Variants in ZBBX observed in about 807,000 individuals in gnomAD.
ZBBX encodes the protein zinc finger B-box domain-containing protein 1.
Under a neutral mutation model 108.5 loss-of-function variants are expected in ZBBX, and 101 were observed. That is an observed-to-expected ratio of 0.93 (90% CI 0.79 to 1.10). The LOEUF (loss-of-function observed/expected upper bound fraction) is 1.10. Among genes scored for constraint, ZBBX ranks in the 50% least tolerant of loss-of-function variants. The probability of loss-of-function intolerance (pLI) is 0.00; values close to 1 mark genes in which losing one functional copy is unlikely to be tolerated. For missense variants in ZBBX, 1,009 were observed against 941.4 expected, an observed-to-expected ratio of 1.07 and a Z score of -0.94; for synonymous variants, 356 against 323.4, an observed-to-expected ratio of 1.10 and a Z score of -1.08.
chr3:167,281,021 A>T (rs368067121), intron 20 of ZBBX, among the ~76,000 whole-genome samples: 1 of 152,048 alleles, frequency 6.6e-6, no homozygotes, highest in Non-Finnish European at 1.5e-5. Context: ...ACCAAACACC[A>T]CATATTCTCA....
intron 17 of ZBBX, among the ~76,000 whole-genome samples, chr3:167,304,439 G>GA: frequency 6.6e-6 from 1 of 152,144 alleles, no homozygotes. Context: ...TTCACTGGGG[G>GA]AACGAGAAGA....
chr3:167,276,888 C>T (rs1476707702), intron 20 of ZBBX, among the ~76,000 whole-genome samples: 3 of 151,926 alleles, frequency 2.0e-5, no homozygotes, highest in Non-Finnish European at 4.4e-5. Flanking sequence ...AGACTAACAG[C>T]GGATCTCTCG....
At chr3:167,274,417 T>C (rs1727103377) in intron 20 of ZBBX, among the ~76,000 whole-genome samples, 2 of 152,180 alleles carry the variant, frequency 1.3e-5, no homozygotes, top group East Asian at 3.8e-4. Flanking sequence ...CCTATTCAGA[T>C]AAGCTTTTCC....
At chr3:167,275,489 TC>T (rs1404319197) in intron 20 of ZBBX, among the ~76,000 whole-genome samples, 2 of 152,150 alleles carry the variant, frequency 1.3e-5, no homozygotes, top group African/African-American at 4.8e-5. Flanking sequence ...GTCAGGGAGT[TC>T]CCTTTCCTAG....
chr3:167,366,946 A>T (rs1227176837), intron 5 of ZBBX: 3 of 455,750 alleles, frequency 6.6e-6, no homozygotes, highest in African/African-American at 2.0e-5. Context: ...ACAACATGAG[A>T]TGCTCTGATT....
At chr3:167,209,147 G>T in the ZBBX span, among the ~76,000 whole-genome samples, 21 of 148,372 alleles carry the variant, frequency 1.4e-4, no homozygotes, top group African/African-American at 4.8e-4. Flanking sequence ...AGCCTTAGAA[G>T]AATAGAGCAC....
the ZBBX span, among the ~76,000 whole-genome samples, chr3:167,191,909 A>ATATATATATAT: frequency 1.6e-5 from 2 of 121,484 alleles, no homozygotes; most frequent in African/African-American, 6.7e-5. Context: ...ATATATATAT[A>ATATATATATAT]TATATATATA....
chr3:167,209,079 C>A, the ZBBX span, among the ~76,000 whole-genome samples: 1 of 152,022 alleles, frequency 6.6e-6, no homozygotes, highest in African/African-American at 2.4e-5. Flanking sequence ...GAATCCTCTG[C>A]TTGTAGAAAG....
intron 20 of ZBBX, among the ~76,000 whole-genome samples, chr3:167,248,243 C>T (rs908108739): frequency 5.9e-5 from 9 of 152,228 alleles, no homozygotes; most frequent in Admixed American, 1.3e-4. Context: ...AACAAAGCTG[C>T]GACGGTAACC....
chr3:167,391,605 C>T (rs533631353), intron 1 of ZBBX, among the ~76,000 whole-genome samples: 4 of 151,928 alleles, frequency 2.6e-5, no homozygotes, highest in East Asian at 1.9e-4. Context: ...GCTGGAAATC[C>T]GTTTGGCCTT....
chr3:167,194,229 AATAT>A, the ZBBX span, among the ~76,000 whole-genome samples: 45,783 of 139,748 alleles, frequency 0.33, 7,671 homozygotes, highest in East Asian at 0.63. Flanking sequence ...ATATGTACTA[AATAT>A]ATATATATAT....
intron 20 of ZBBX, among the ~76,000 whole-genome samples, chr3:167,266,952 G>T (rs1725619238): frequency 6.6e-6 from 1 of 152,102 alleles, no homozygotes; most frequent in Non-Finnish European, 1.5e-5. Context: ...AATAAACCCG[G>T]CCTCTCAGCA....
intron 9 of ZBBX, among the ~76,000 whole-genome samples, chr3:167,346,674 A>G (rs1229454144): frequency 6.6e-6 from 1 of 151,888 alleles, no homozygotes; most frequent in Non-Finnish European, 1.5e-5. Flanking sequence ...GCAGTCAACA[A>G]AGCCTTATGA....
chr3:167,345,924 T>C (rs1560158967), intron 9 of ZBBX, among the ~76,000 whole-genome samples: 3 of 151,856 alleles, frequency 2.0e-5, no homozygotes, highest in Admixed American at 1.3e-4. Flanking sequence ...GTTAAGAAAA[T>C]TTCCATTCCA....
intron 2 of ZBBX, among the ~76,000 whole-genome samples, chr3:167,376,345 A>G (rs1255207817): frequency 6.6e-6 from 1 of 152,192 alleles, no homozygotes; most frequent in African/African-American, 2.4e-5. Flanking sequence ...CATAACATGG[A>G]ATCTGTATTG....
the ZBBX span, among the ~76,000 whole-genome samples, chr3:167,219,512 A>G: frequency 6.6e-6 from 1 of 152,036 alleles, no homozygotes; most frequent in Non-Finnish European, 1.5e-5. Context: ...AAATTAAATG[A>G]TATGTTCCTT....
At chr3:167,381,821 G>T (rs1178883908), upstream of ZBBX, among the ~76,000 whole-genome samples, 1 of 152,074 alleles carries the variant, frequency 6.6e-6, no homozygotes, top group Non-Finnish European at 1.5e-5. Context: ...GAGCAGAAAG[G>T]CAATAAACAA....
At chr3:167,307,243 A>G (rs150173116) in intron 16 of ZBBX, among the ~76,000 whole-genome samples, 1 of 152,248 alleles carries the variant, frequency 6.6e-6, no homozygotes, top group African/African-American at 2.4e-5. Flanking sequence ...CACCACTCCT[A>G]TTCAACATAA....
At chr3:167,396,224 G>A (rs1050548857) in intron 1 of ZBBX, among the ~76,000 whole-genome samples, 1 of 152,000 alleles carries the variant, frequency 6.6e-6, no homozygotes, top group African/African-American at 2.4e-5. Flanking sequence ...GACTGTTGCA[G>A]GATACATTTC....
Sources: allele counts gnomAD v4.1 joint callset (sites outside exome capture counted in the v4.1 genomes callset), GRCh38; gene constraint gnomAD v4.1.1; transcripts MANE v1.5; gene names NCBI Gene and HGNC (gene_info 2026-07-23, HGNC 2026-07-21).